Variants in KHDRBS2 observed in about 807,000 individuals in gnomAD.
KHDRBS2 encodes the protein KH domain-containing, RNA-binding, signal transduction-associated protein 2.
In KHDRBS2, 26 loss-of-function variants were observed where a neutral mutation model predicts 44.3. The ratio of observed to expected loss-of-function variants is 0.59; its 90% CI spans 0.43 to 0.81. KHDRBS2 has a LOEUF of 0.81. Among genes scored for constraint, KHDRBS2 ranks in the 40% least tolerant of loss-of-function variants. The probability of loss-of-function intolerance (pLI) is 0.00; values close to 1 mark genes in which losing one functional copy is unlikely to be tolerated. For missense variants in KHDRBS2, 476 were observed against 433.1 expected, an observed-to-expected ratio of 1.10 and a Z score of -0.88; for synonymous variants, 194 against 151.1, an observed-to-expected ratio of 1.28 and a Z score of -2.08.
In KHDRBS2 at chr6:61,875,426, A is replaced by G. The variant is rs543361366; in HGVS notation, c.810+19209T>C. ...CCCTGTAAGTATGTTACACATGCCA[A>G]TAAGTGAAATCCTTTCAATCTGCTT... On this transcript the variant is annotated intron_variant, in intron 6 of 8. Coordinates refer to ENST00000281156, the MANE Select transcript of KHDRBS2 (RefSeq NM_152688.4). Among the ~76,000 whole-genome samples the G allele has an allele frequency of 5.9e-5, 9 of 152,218 alleles. No homozygotes were observed. The East Asian group carries it at 1.5e-3, about 26-fold the overall frequency.
At chr6:62,185,984 C>T (rs1257761998) in intron 1 of KHDRBS2, among the ~76,000 whole-genome samples, 5 of 151,972 alleles carry the variant, frequency 3.3e-5, no homozygotes, top group African/African-American at 4.8e-5. Context: ...TTCTGGACTT[C>T]TATTGTTCCT....
chr6:62,269,250 T>G (rs1339750422), intron 1 of KHDRBS2, among the ~76,000 whole-genome samples: 2 of 146,002 alleles, frequency 1.4e-5, no homozygotes, highest in African/African-American at 5.4e-5. Flanking sequence ...TAAATTGACT[T>G]CAGCAAAATT....
the KHDRBS2 span, among the ~76,000 whole-genome samples, chr6:61,634,905 C>T: frequency 6.6e-6 from 1 of 152,040 alleles, no homozygotes; most frequent in African/African-American, 2.4e-5. Flanking sequence ...ACTTGTCTCA[C>T]TTTATTTAAG....
chr6:62,192,542 G>GT (rs1344759206), intron 1 of KHDRBS2, among the ~76,000 whole-genome samples: 1 of 152,044 alleles, frequency 6.6e-6, no homozygotes, highest in Non-Finnish European at 1.5e-5. Flanking sequence ...GCTTGAATTT[G>GT]TATTAATTTA....
chr6:61,945,135 A>ATATG (rs1813068940), intron 4 of KHDRBS2, among the ~76,000 whole-genome samples: 1 of 103,010 alleles, frequency 9.7e-6, no homozygotes, highest in Non-Finnish European at 2.0e-5. Flanking sequence ...ATATATATAT[A>ATATG]TATATATATA....
chr6:61,617,291 T>G, the KHDRBS2 span, among the ~76,000 whole-genome samples: 1 of 152,178 alleles, frequency 6.6e-6, no homozygotes, highest in Admixed American at 6.5e-5. Context: ...AATCCTTTCA[T>G]TTTAGACTTC....
chr6:62,214,074 C>T (rs1431286289), intron 1 of KHDRBS2, among the ~76,000 whole-genome samples: 2 of 151,942 alleles, frequency 1.3e-5, no homozygotes, highest in Non-Finnish European at 2.9e-5. Flanking sequence ...ACAGCTTTAT[C>T]TTCTATCTCT....
chr6:61,713,737 A>G (rs1057061460), intron 7 of KHDRBS2, among the ~76,000 whole-genome samples: 1 of 151,730 alleles, frequency 6.6e-6, no homozygotes, highest in Non-Finnish European at 1.5e-5. Context: ...ATATAAAACC[A>G]CATATTTACA....
At chr6:62,114,861 A>C (rs540747555) in intron 2 of KHDRBS2, among the ~76,000 whole-genome samples, 1 of 148,982 alleles carries the variant, frequency 6.7e-6, no homozygotes, top group Admixed American at 6.6e-5. Flanking sequence ...TACAATATGT[A>C]ATAATAATAA....
chr6:61,861,382 A>AT (rs1224110985), intron 6 of KHDRBS2, among the ~76,000 whole-genome samples: 1 of 152,038 alleles, frequency 6.6e-6, no homozygotes, highest in Non-Finnish European at 1.5e-5. Flanking sequence ...CCTTGAGACA[A>AT]TTTTTGTATA....
the KHDRBS2 span, among the ~76,000 whole-genome samples, chr6:61,631,349 G>C: frequency 0.019 from 2,535 of 133,520 alleles, 58 homozygotes; most frequent in Middle Eastern, 0.068. Flanking sequence ...ACAATACAGT[G>C]TGTTACATTT....
At chr6:62,064,587 G>A (rs1341685560) in intron 2 of KHDRBS2, among the ~76,000 whole-genome samples, 6 of 148,262 alleles carry the variant, frequency 4.0e-5, no homozygotes, top group African/African-American at 1.2e-4. Flanking sequence ...TATGTAGAAA[G>A]CTGAAACTGG....
chr6:61,577,133 G>T, the KHDRBS2 span, among the ~76,000 whole-genome samples: 92,866 of 149,852 alleles, frequency 0.62, 28,735 homozygotes, highest in Middle Eastern at 0.65. Flanking sequence ...CTCAGTTTTT[G>T]TTTTTTTTGT....
At position 61,706,914 on chromosome 6, in the gene KHDRBS2, A is replaced by T. The variant is rs1769661054; in HGVS notation, c.894-9661T>A. Among the ~76,000 whole-genome samples the T allele has an allele frequency of 2.6e-5, 4 of 151,800 alleles. No homozygotes were observed. The South Asian group carries it at 8.3e-4, about 31-fold the overall frequency. On this transcript the variant is annotated intron_variant, in intron 7 of 8. Transcript: ENST00000281156. ...TTTGCCCTCATGGAGTTCACAAGTA[A>T]AATACTATACAAGTAAAAAACAAAA...
At chr6:62,282,051 A>G (rs1368865897) in intron 1 of KHDRBS2, among the ~76,000 whole-genome samples, 4 of 152,296 alleles carry the variant, frequency 2.6e-5, no homozygotes, top group African/African-American at 9.6e-5. Context: ...TCACAGGAAC[A>G]CTATTTTTTA....
chr6:62,063,443 G>T (rs896956182), intron 2 of KHDRBS2, among the ~76,000 whole-genome samples: 145 of 151,020 alleles, frequency 9.6e-4, no homozygotes, highest in African/African-American at 3.3e-3. Flanking sequence ...GATCAAGTGG[G>T]CTTCATCCCT....
chr6:61,725,402 A>C (rs561077233), intron 7 of KHDRBS2, among the ~76,000 whole-genome samples: 1 of 152,282 alleles, frequency 6.6e-6, no homozygotes, highest in South Asian at 2.1e-4. Context: ...AACCAAGAGC[A>C]AACAAACCCC....
chr6:61,825,240 G>T (rs1188019235), intron 6 of KHDRBS2, among the ~76,000 whole-genome samples: 1 of 152,090 alleles, frequency 6.6e-6, no homozygotes, highest in Admixed American at 6.6e-5. Flanking sequence ...TCAAAGAATT[G>T]TCATCTGACA....
Position 62,059,664 on chromosome 6 carries a change from A to G in KHDRBS2, c.220-11670T>C, listed in dbSNP as rs778965834. ...ATATTCCATTTGAGATGCCTTCCAA[A>G]TGGAGAAACCTAGCAATCATGTATG... On this transcript the variant is annotated intron_variant, in intron 2 of 8. Coordinates refer to ENST00000281156, the MANE Select transcript of KHDRBS2 (RefSeq NM_152688.4). Among the ~76,000 whole-genome samples, 3 of 151,776 alleles carry G rather than the reference A, an allele frequency of 2.0e-5. No homozygotes were observed. The South Asian group carries it at 6.2e-4, about 32-fold the overall frequency.
Sources: allele counts gnomAD v4.1 joint callset (sites outside exome capture counted in the v4.1 genomes callset), GRCh38; gene constraint gnomAD v4.1.1; transcripts MANE v1.5; gene names NCBI Gene and HGNC (gene_info 2026-07-23, HGNC 2026-07-21).